The following DCAF13 variants were observed in gnomAD, a reference collection of about 807,000 sequenced individuals.
The protein encoded by DCAF13 is DDB1- and CUL4-associated factor 13.
Under a neutral mutation model 59.0 loss-of-function variants are expected in DCAF13, and 38 were observed. The observed-to-expected ratio is 0.64, with a 90% CI of 0.50 to 0.84. DCAF13 has a LOEUF of 0.84. Ranked by LOEUF, DCAF13 falls within the 40% of genes least tolerant of loss-of-function variation. The pLI, the probability that DCAF13 is intolerant of heterozygous loss-of-function variation, is 0.00. For missense variants in DCAF13, 469 were observed against 558.4 expected, an observed-to-expected ratio of 0.84 and a Z score of 1.61; for synonymous variants, 173 against 175.0, an observed-to-expected ratio of 0.99 and a Z score of 0.09.
At chr8:103,431,541 A>G (rs1487060555) in intron 6 of DCAF13, among the ~76,000 whole-genome samples, 1 of 152,204 alleles carries the variant, frequency 6.6e-6, no homozygotes, top group Admixed American at 6.5e-5. Flanking sequence ...CCAAAGTACC[A>G]CTTATATGAT....
At chr8:103,421,156 T>C in intron 3 of DCAF13, 74 bp downstream of exon 3, 1 of 1,073,826 alleles carries the variant, frequency 9.3e-7, no homozygotes, top group South Asian at 1.3e-5. Flanking sequence ...ACATTTTTTT[T>C]CAAGTTCATT....
intron 7 of DCAF13, among the ~76,000 whole-genome samples, chr8:103,434,120 C>T (rs1393073505): frequency 6.6e-6 from 1 of 151,864 alleles, no homozygotes; most frequent in Non-Finnish European, 1.5e-5. Flanking sequence ...CTTTTGTATC[C>T]CTTTTCTATA....
chr8:103,425,959 C>G, intron 3 of DCAF13, 97 bp from the exon 4 acceptor site: 1 of 799,326 alleles, frequency 1.3e-6, no homozygotes, highest in Admixed American at 1.9e-5. Flanking sequence ...TGGTATGTTA[C>G]CTGTTTTAAA....
At chr8:103,431,196 C>G (rs1055786936) in intron 6 of DCAF13, among the ~76,000 whole-genome samples, 1 of 152,176 alleles carries the variant, frequency 6.6e-6, no homozygotes, top group African/African-American at 2.4e-5. Context: ...GATTTCCTAA[C>G]AATTCTAAAG....
intron 5 of DCAF13, chr8:103,429,482 TGTGA>T (rs1343572682): frequency 1.3e-5 from 2 of 152,162 alleles, no homozygotes; most frequent in Admixed American, 6.5e-5. Context: ...AGCCAATAGT[TGTGA>T]GTGTCAGGAA....
intron 1 of DCAF13, among the ~76,000 whole-genome samples, chr8:103,416,803 C>A (rs1193012916): frequency 6.6e-6 from 1 of 152,192 alleles, no homozygotes; most frequent in South Asian, 2.1e-4. Context: ...ATGTCAGTTT[C>A]TCCATCTATA....
intron 6 of DCAF13, 131 bp downstream of exon 6, chr8:103,430,820 C>G: frequency 1.7e-6 from 1 of 573,100 alleles, no homozygotes; most frequent in Non-Finnish European, 3.0e-6. Context: ...GTTCTTAGAA[C>G]TCTACATGAT....
chr8:103,441,505 G>T lies in DCAF13; in HGVS notation c.1137G>T (p.Glu379Asp), dbSNP rs1427586995. ...AGGATTATAACCAGAAATTGAAGGA[G>T]AAATTTCAGCATTATCCTCATATAA... ...AAKDYNQKLK[E>D]KFQHYPHIKR... is the part of the protein sequence containing the mutation. The change falls in exon 10 of 11, where the codon GAG becomes GAT. Residue 379 changes from glutamate to aspartate, a missense_variant. Physicochemically the swap from Glu to Asp is conservative, Grantham distance 45 (BLOSUM62 2). Transcript: ENST00000612750. 1.3e-6 allele frequency: 2 copies of T among 1,599,748 alleles called. No homozygotes were observed. Among genetic ancestry groups the T allele is most frequent in the Non-Finnish European group, 1.7e-6 (2 of 1,176,598 alleles).
chr8:103,417,682 C>T (rs1036806908), intron 1 of DCAF13, among the ~76,000 whole-genome samples: 2 of 150,676 alleles, frequency 1.3e-5, no homozygotes, highest in Admixed American at 6.6e-5. Flanking sequence ...ATTACATGCT[C>T]TCATTAACAT....
chr8:103,427,391 TG>T (rs1816809462), intron 5 of DCAF13, 139 bp downstream of exon 5: 1 of 718,846 alleles, frequency 1.4e-6, no homozygotes, highest in Non-Finnish European at 2.3e-6. Flanking sequence ...CGATTGTAAA[TG>T]AGTTCTGATA....
intron 1 of DCAF13, among the ~76,000 whole-genome samples, chr8:103,418,101 C>T (rs1201145966): frequency 1.3e-5 from 2 of 150,866 alleles, no homozygotes; most frequent in Non-Finnish European, 2.9e-5. Flanking sequence ...GCACTCCAGC[C>T]TGGGCAACAG....
rs1239009406 is a variant in DCAF13 at position 103,441,246 on chromosome 8, C to G, written c.1087-209C>G. The G allele has an allele frequency of 8.7e-6, 4 of 462,214 alleles. No individual in the cohort carries two copies. The East Asian group carries it at 1.7e-4, about 20-fold the overall frequency. The allele number at this position is 462,214 out of a possible 1,614,324, so 28.6% of individuals were successfully genotyped here. A position where few individuals can be genotyped will look rare whatever the true frequency, so the allele number is the denominator to read the frequency against. On this transcript the variant is annotated intron_variant, in intron 9 of 10. Transcript: ENST00000612750. ...CTGCTTTCTACTGGGTGGCATCTAT[C>G]TACATGGCGAGTGTGTTGCCTAAAA...
intron 3 of DCAF13, among the ~76,000 whole-genome samples, chr8:103,421,610 A>G (rs1816724366): frequency 6.6e-6 from 1 of 152,008 alleles, no homozygotes; most frequent in South Asian, 2.1e-4. Flanking sequence ...TCAGTCCCCA[A>G]CCCCTGGTAA....
At chr8:103,435,072 AT>A (rs1169330529) in intron 7 of DCAF13, among the ~76,000 whole-genome samples, 1 of 152,126 alleles carries the variant, frequency 6.6e-6, no homozygotes, top group Non-Finnish European at 1.5e-5. Context: ...AACGTTGGGA[AT>A]TTAATAAGCA....
chr8:103,415,828 A>G (rs1221376791), intron 1 of DCAF13, among the ~76,000 whole-genome samples: 3 of 152,198 alleles, frequency 2.0e-5, no homozygotes, highest in Non-Finnish European at 4.4e-5. Flanking sequence ...GTGGACTTGA[A>G]TGAGCCAAAC....
rs776075764 is a variant in DCAF13 at position 103,440,201 on chromosome 8, A to G, written c.1016A>G (p.Tyr339Cys). Residue 339 changes from tyrosine to cysteine, a missense_variant, in exon 9 of 11, where the codon TAT becomes TGT. Physicochemically the swap from Tyr to Cys is radical, Grantham distance 194. Coordinates refer to ENST00000612750, the MANE Select transcript of DCAF13 (RefSeq NM_015420.7). ...GTAAAATGGACTTCTGACAGCAAGTATATTATGTGTGGATCTGATGAAATG... is the reference window on the plus strand; with the variant it reads ...GTAAAATGGACTTCTGACAGCAAGTGTATTATGTGTGGATCTGATGAAATG... Reference protein sequence around the residue: ...ICVKWTSDSKYIMCGSDEMNI... With the variant: ...ICVKWTSDSKCIMCGSDEMNI... 3 of 1,606,184 alleles carry G rather than the reference A, an allele frequency of 1.9e-6. No homozygotes were observed. Among genetic ancestry groups the G allele is most frequent in the South Asian group, 2.2e-5 (2 of 89,660 alleles).
intron 4 of DCAF13, among the ~76,000 whole-genome samples, 190 bp downstream of exon 4, chr8:103,426,335 G>A (rs1370006): frequency 0.23 from 33,323 of 145,324 alleles, 3,718 homozygotes; most frequent in East Asian, 0.35. Context: ...AATTTTAACA[G>A]TTTTTTTTTT....
rs1278841881 is a variant in DCAF13, at chr8:103,418,873, T to A, written c.71-1391T>A. ...ATATATATATATATATATATTTTTTTTTTTTTTTTTTTTTTTTTTTTTTTT... is the reference window on the plus strand; with the variant it reads ...ATATATATATATATATATATTTTTTATTTTTTTTTTTTTTTTTTTTTTTTT... On this transcript the variant is annotated intron_variant, in intron 1 of 10. Coordinates refer to ENST00000612750, the MANE Select transcript of DCAF13 (RefSeq NM_015420.7). 3.2e-3 allele frequency among the ~76,000 whole-genome samples: 118 copies of A among 36,704 alleles called. 1 individual carries two copies. Among genetic ancestry groups the A allele is most frequent in the African/African-American group, 9.2e-3 (98 of 10,602 alleles). The allele number at this position is 36,704 out of a possible 152,430, so 24.1% of individuals were successfully genotyped here.
chr8:103,427,147 A>T lies in DCAF13; in HGVS notation c.519A>T (p.Thr173=). The change falls in exon 5 of 11, where the codon ACA becomes ACT. Residue 173 remains threonine, a synonymous_variant. Transcript: ENST00000612750. ...DHHWKEAVFA[T]CGQQVDIWDE... ...ACTGGAAAGAAGCTGTTTTTGCCAC[A>T]TGTGGACAGCAAGTAGACATTTGGG... is the stretch of plus-strand genomic sequence containing the variant. The T allele has an allele frequency of 6.2e-7, 1 of 1,613,492 alleles. No homozygotes were observed. The highest frequency in any genetic ancestry group is 8.5e-7 in the Non-Finnish European group (1 of 1,179,656).
Sources: allele counts gnomAD v4.1 joint callset (sites outside exome capture counted in the v4.1 genomes callset), GRCh38; gene constraint gnomAD v4.1.1; transcripts MANE v1.5; gene names NCBI Gene and HGNC (gene_info 2026-07-23, HGNC 2026-07-21).